The following FAM161A variants were observed in gnomAD, a reference collection of about 807,000 sequenced individuals.
FAM161A encodes protein FAM161A.
A neutral mutation model predicts 70.9 loss-of-function variants in FAM161A; 57 were observed. The ratio of observed to expected loss-of-function variants is 0.80; its 90% CI spans 0.65 to 1.00. The LOEUF is 1.00. Among genes scored for constraint, FAM161A ranks in the 50% least tolerant of loss-of-function variants. FAM161A has a pLI of 0.00. For missense variants in FAM161A, 880 were observed against 836.0 expected (o/e 1.05, Z -0.65); for synonymous variants, 299 against 295.7 (o/e 1.01, Z -0.12).
chr2:61,840,318 C>G lies in FAM161A; in HGVS notation c.686G>C (p.Arg229Pro). The part of the protein sequence containing the change: ...FHAAEKRRKK[R>P]KEWVPTITVP... ...TGTAATTGTGGGCACCCATTCTTTT[C>G]GTTTCTTCCTTCTTTTTTCAGCTGC... Residue 229 changes from arginine (R) to proline (P), a missense_variant, in exon 3 of 7, where the codon CGA becomes CCA. Coordinates refer to ENST00000404929, the MANE Select transcript of FAM161A (RefSeq NM_001201543.2). 6.2e-7 allele frequency: 1 copy of G among 1,614,008 alleles called. No homozygotes were observed. The highest frequency in any genetic ancestry group is 8.5e-7 in the Non-Finnish European group (1 of 1,180,004).
Position 61,853,850 on chromosome 2 carries a change from CA to C in FAM161A, c.183+8del. On this transcript the variant is annotated splice_region_variant and intron_variant, in intron 1 of 6. Coordinates refer to ENST00000404929, the MANE Select transcript of FAM161A (RefSeq NM_001201543.2). ...CGAGGTCCCAGCCCAAGTCCCGCCC[CA>C]GTATTACCGATGCCCCAGCGGGCTG... is the stretch of plus-strand genomic sequence containing the variant. 1 of 1,613,878 alleles carries C rather than the reference CA, an allele frequency of 6.2e-7. No homozygotes were observed. The highest frequency in any genetic ancestry group is 8.5e-7 in the Non-Finnish European group (1 of 1,179,784).
downstream of FAM161A, chr2:61,820,553 A>G (rs1051351026): frequency 2.7e-6 from 2 of 740,766 alleles, no homozygotes; most frequent in South Asian, 2.7e-5. Flanking sequence ...ACTGAAGAAC[A>G]TCACCTAAGA....
chr2:61,846,568 T>C (rs181380073), intron 1 of FAM161A, among the ~76,000 whole-genome samples: 14 of 152,312 alleles, frequency 9.2e-5, no homozygotes, highest in Non-Finnish European at 1.3e-4. Context: ...CTTTAAGATA[T>C]GTAAAGTAGG....
downstream of FAM161A, among the ~76,000 whole-genome samples, chr2:61,820,017 G>A (rs560590216): frequency 1.1e-4 from 16 of 152,222 alleles, no homozygotes; most frequent in African/African-American, 3.9e-4. Flanking sequence ...GGACCTCACT[G>A]TACATCACAG....
At chr2:61,808,931 G>A in the FAM161A span, among the ~76,000 whole-genome samples, 1 of 152,134 alleles carries the variant, frequency 6.6e-6, no homozygotes, top group South Asian at 2.1e-4. Flanking sequence ...GGAGTGCAGT[G>A]GTGTGATCTC....
intron 1 of FAM161A, among the ~76,000 whole-genome samples, chr2:61,849,439 A>C (rs927363066): frequency 2.6e-5 from 4 of 151,702 alleles, no homozygotes; most frequent in African/African-American, 4.8e-5. Context: ...CAGGAGTTTG[A>C]GACCACCCTG....
intron 1 of FAM161A, among the ~76,000 whole-genome samples, chr2:61,852,709 G>C (rs1673538666): frequency 6.6e-6 from 1 of 152,056 alleles, no homozygotes; most frequent in Non-Finnish European, 1.5e-5. Flanking sequence ...GCCTTACTCT[G>C]GATAACTTCA....
downstream of FAM161A, among the ~76,000 whole-genome samples, chr2:61,823,151 G>A (rs1202036087): frequency 6.6e-6 from 1 of 150,922 alleles, no homozygotes; most frequent in Admixed American, 6.6e-5. Context: ...TGGCCAAGAT[G>A]GTGAAATCCC....
At position 61,839,852 on chromosome 2, in the gene FAM161A, T is replaced by G; in HGVS notation, c.1152A>C (p.Thr384=). The change falls in exon 3 of 7, where the codon ACA becomes ACC. Residue 384 remains threonine, a synonymous_variant. Transcript: ENST00000404929. ...KEEELYRNLR[T]QLRAQEHLQN... ...GTAAATGCTCCTGGGCTCTCAGCTGTGTCCTAAGGTTTCGATAGAGCTCTT... is the reference window on the plus strand; with the variant it reads ...GTAAATGCTCCTGGGCTCTCAGCTGGGTCCTAAGGTTTCGATAGAGCTCTT... 1.2e-6 allele frequency: 2 copies of G among 1,614,228 alleles called. No individual in the cohort carries two copies. Among genetic ancestry groups the G allele is most frequent in the Non-Finnish European group, 1.7e-6 (2 of 1,180,040 alleles).
At chr2:61,846,022 G>A (rs1053196502) in intron 1 of FAM161A, among the ~76,000 whole-genome samples, 2 of 143,096 alleles carry the variant, frequency 1.4e-5, no homozygotes, top group African/African-American at 5.3e-5. Context: ...CTGGGAGGCA[G>A]AGATTGCAGT....
At position 61,854,004 on chromosome 2, in the gene FAM161A, G is replaced by A. The variant is rs779587011; in HGVS notation, c.38C>T (p.Ser13Phe). 6.2e-7 allele frequency: 1 copy of A among 1,613,078 alleles called. No individual in the cohort carries two copies. The highest frequency in any genetic ancestry group is 8.5e-7 in the Non-Finnish European group (1 of 1,179,572). ...GGGATTTACCGGGGTCTGGAGACTG[G>A]AGGCCACCAGCTTCGCCACTCGGTG... ...TSHRVAKLVA[S>F]SLQTPVNPIT... Residue 13 changes from serine to phenylalanine, a missense_variant, in exon 1 of 7, where the codon TCC (serine) becomes TTC (phenylalanine). By Grantham distance (155) the Ser-to-Phe change is radical. Transcript: ENST00000404929.
At chr2:61,819,846 T>C in the FAM161A span, among the ~76,000 whole-genome samples, 1 of 152,202 alleles carries the variant, frequency 6.6e-6, no homozygotes, top group Non-Finnish European at 1.5e-5. Flanking sequence ...CCATCTTCTT[T>C]TTATTAGCAT....
At chr2:61,848,234 T>C (rs891884491) in intron 1 of FAM161A, among the ~76,000 whole-genome samples, 1 of 152,198 alleles carries the variant, frequency 6.6e-6, no homozygotes, top group Non-Finnish European at 1.5e-5. Context: ...TTCTGAAAGA[T>C]GCGGCAGGTC....
At chr2:61,852,404 A>G (rs992269859) in intron 1 of FAM161A, among the ~76,000 whole-genome samples, 1 of 152,180 alleles carries the variant, frequency 6.6e-6, no homozygotes, top group African/African-American at 2.4e-5. Flanking sequence ...ATTTACATAG[A>G]TTGCTCTTTA....
chr2:61,806,680 C>CTTTTTTTTTTTTTTTTTTTTTTTT, the FAM161A span, among the ~76,000 whole-genome samples: 3 of 61,568 alleles, frequency 4.9e-5, no homozygotes, highest in African/African-American at 1.4e-4. Flanking sequence ...CTTTCCACGT[C>CTTTTTTTTTTTTTTTTTTTTTTTT]TTTTTTTTTT....
At chr2:61,829,280 C>T (rs1418443887) in intron 5 of FAM161A, among the ~76,000 whole-genome samples, 1 of 152,036 alleles carries the variant, frequency 6.6e-6, no homozygotes, top group African/African-American at 2.4e-5. Context: ...GACCTAAAGC[C>T]TGACTTGAGC....
chr2:61,838,817 T>A (rs1289116184), intron 3 of FAM161A, 112 bp from the exon 4 acceptor site: 3 of 618,222 alleles, frequency 4.9e-6, no homozygotes, highest in African/African-American at 3.8e-5. Flanking sequence ...TGAAAAAAGG[T>A]AACCTTTTGA....
At chr2:61,815,118 G>A in the FAM161A span, among the ~76,000 whole-genome samples, 2 of 152,122 alleles carry the variant, frequency 1.3e-5, no homozygotes, top group African/African-American at 2.4e-5. Flanking sequence ...GCAACCTTGG[G>A]TCAATTCTTT....
intron 1 of FAM161A, among the ~76,000 whole-genome samples, chr2:61,846,079 ACT>A (rs1220555302): frequency 8.3e-6 from 1 of 120,254 alleles, no homozygotes; most frequent in Non-Finnish European, 1.7e-5. Context: ...ATCAAGCAAG[ACT>A]CTGTCTCAAA....
Sources: allele counts gnomAD v4.1 joint callset (sites outside exome capture counted in the v4.1 genomes callset), GRCh38; gene constraint gnomAD v4.1.1; transcripts MANE v1.5; gene names NCBI Gene and HGNC (gene_info 2026-07-23, HGNC 2026-07-21).